Variants in GULP1 observed in about 807,000 individuals in gnomAD.
GULP1 encodes the protein PTB domain-containing engulfment adapter protein 1.
Under a neutral mutation model 40.9 loss-of-function variants are expected in GULP1, and 19 were observed. The observed-to-expected ratio is 0.46, with a 90% CI of 0.32 to 0.68. The LOEUF (loss-of-function observed/expected upper bound fraction) is 0.68. GULP1 is among the 30% of genes least tolerant of loss of function. The pLI, the probability that GULP1 is intolerant of heterozygous loss-of-function variation, is 0.03. For missense variants in GULP1, 312 were observed against 362.2 expected (o/e 0.86, Z 1.12); for synonymous variants, 119 against 117.6 (o/e 1.01, Z -0.08).
At chr2:188,357,630 A>G (rs2045521011) in intron 1 of GULP1, among the ~76,000 whole-genome samples, 1 of 152,154 alleles carries the variant, frequency 6.6e-6, no homozygotes, top group African/African-American at 2.4e-5. Flanking sequence ...ATTACAGGAA[A>G]CAGTATAGAG....
chr2:188,568,365 T>A (rs1698275544), intron 7 of GULP1, among the ~76,000 whole-genome samples: 1 of 152,196 alleles, frequency 6.6e-6, no homozygotes. Flanking sequence ...TTCTTTATAA[T>A]GTTGATTAAG....
chr2:188,523,017 T>G, intron 5 of GULP1, 190 bp downstream of exon 5: 1 of 482,248 alleles, frequency 2.1e-6, no homozygotes, highest in Non-Finnish European at 3.8e-6. Context: ...AAATTGTGTT[T>G]AAAATATGGC....
chr2:188,391,510 A>G (rs1282408737), intron 2 of GULP1, among the ~76,000 whole-genome samples: 1 of 151,930 alleles, frequency 6.6e-6, no homozygotes, highest in Non-Finnish European at 1.5e-5. Flanking sequence ...AGTCTTTTGG[A>G]GAAGTCTTCA....
At chr2:188,335,829 G>A (rs1407081023) in intron 1 of GULP1, among the ~76,000 whole-genome samples, 1 of 152,156 alleles carries the variant, frequency 6.6e-6, no homozygotes, top group Non-Finnish European at 1.5e-5. Flanking sequence ...ACTTCAACTT[G>A]TATGTAACAC....
intron 2 of GULP1, among the ~76,000 whole-genome samples, chr2:188,473,878 T>G (rs549130316): frequency 6.6e-6 from 1 of 152,264 alleles, no homozygotes; most frequent in East Asian, 1.9e-4. Flanking sequence ...GTTGGGAATG[T>G]GCTGAGTCTC....
At chr2:188,562,718 C>A (rs1187442609) in intron 7 of GULP1, among the ~76,000 whole-genome samples, 1 of 152,046 alleles carries the variant, frequency 6.6e-6, no homozygotes, top group Admixed American at 6.6e-5. Flanking sequence ...AATGCTATCC[C>A]AAGCAACAGA....
intron 2 of GULP1, among the ~76,000 whole-genome samples, chr2:188,469,225 T>C (rs566389449): frequency 6.6e-6 from 1 of 152,186 alleles, no homozygotes; most frequent in Admixed American, 6.5e-5. Context: ...AATAATGGCA[T>C]TTTGGAGGTC....
intron 2 of GULP1, among the ~76,000 whole-genome samples, chr2:188,391,934 C>T (rs998192522): frequency 6.6e-6 from 1 of 151,926 alleles, no homozygotes; most frequent in Non-Finnish European, 1.5e-5. Context: ...GTATGTTAAA[C>T]CATTCCTGCT....
intron 6 of GULP1, among the ~76,000 whole-genome samples, chr2:188,538,538 A>G (rs1488529284): frequency 6.6e-6 from 1 of 152,156 alleles, no homozygotes; most frequent in Non-Finnish European, 1.5e-5. Context: ...TATAGAGTAT[A>G]TGACTATTTA....
chr2:188,327,537 A>G (rs953186391), intron 1 of GULP1, among the ~76,000 whole-genome samples: 1 of 152,142 alleles, frequency 6.6e-6, no homozygotes, highest in Admixed American at 6.6e-5. Context: ...AATGGACCAC[A>G]GGCTTCAGGG....
chr2:188,418,282 A>G (rs1460154298), intron 2 of GULP1, among the ~76,000 whole-genome samples: 1 of 151,806 alleles, frequency 6.6e-6, no homozygotes, highest in Admixed American at 6.6e-5. Flanking sequence ...ATTTTTTTTC[A>G]TTTTCTTTTG....
At chr2:188,551,693 G>A (rs960568880) in intron 7 of GULP1, among the ~76,000 whole-genome samples, 5 of 151,774 alleles carry the variant, frequency 3.3e-5, no homozygotes, top group African/African-American at 9.7e-5. Context: ...ATACCCAGTA[G>A]TGGAGCTGCT....
At chr2:188,497,222 G>A (rs779232128) in intron 4 of GULP1, among the ~76,000 whole-genome samples, 19 of 151,948 alleles carry the variant, frequency 1.3e-4, no homozygotes, top group Non-Finnish European at 2.6e-4. Flanking sequence ...TCTTTAGCTT[G>A]AACTTTTGTA....
rs1326081912 is a variant in GULP1 at position 188,584,278 on chromosome 2, C to T, written c.623C>T (p.Thr208Ile). The part of the protein sequence containing the change: ...QVSAPPAGSM[T>I]PKSPSTDIFD... Reference sequence around the variant, plus strand: ...TTTTCATTGCAGGCAGGCAGTATGACACCTAAGTCGCCCTCCACTGACATC... The same window carrying T: ...TTTTCATTGCAGGCAGGCAGTATGATACCTAAGTCGCCCTCCACTGACATC... The change falls in exon 10 of 12, where the codon ACA becomes ATA. Residue 208 changes from threonine (T) to isoleucine (I), a missense_variant. Coordinates refer to ENST00000409830, the MANE Select transcript of GULP1 (RefSeq NM_016315.4). The T allele has an allele frequency of 6.2e-7, 1 of 1,606,748 alleles. No individual in the cohort carries two copies. The highest frequency in any genetic ancestry group is 1.7e-5 in the Admixed American group (1 of 59,954).
chr2:188,555,204 A>G (rs1054130769), intron 7 of GULP1, among the ~76,000 whole-genome samples: 1 of 152,064 alleles, frequency 6.6e-6, no homozygotes, highest in African/African-American at 2.4e-5. Context: ...TGGTTGTTTT[A>G]TATATGACTT....
chr2:188,500,496 G>C, intron 4 of GULP1, among the ~76,000 whole-genome samples: 1 of 151,870 alleles, frequency 6.6e-6, no homozygotes, highest in Non-Finnish European at 1.5e-5. Context: ...GATGATTTAG[G>C]AGAGTAAAAA....
intron 1 of GULP1, among the ~76,000 whole-genome samples, chr2:188,302,107 G>C (rs1218470495): frequency 4.6e-5 from 7 of 152,122 alleles, no homozygotes; most frequent in Non-Finnish European, 8.8e-5. Context: ...GATTATTGAA[G>C]AAACTTTACA....
intron 1 of GULP1, chr2:188,297,682 A>G (rs912282568): frequency 2.9e-5 from 9 of 313,654 alleles, no homozygotes; most frequent in South Asian, 2.3e-4. Flanking sequence ...CAATCATTTC[A>G]GAGCATACAT....
intron 2 of GULP1, among the ~76,000 whole-genome samples, chr2:188,460,840 T>C (rs2059643869): frequency 6.6e-6 from 1 of 152,190 alleles, no homozygotes; most frequent in Non-Finnish European, 1.5e-5. Flanking sequence ...ACCCAGTTTT[T>C]GAGGGTCTTT....
Sources: allele counts gnomAD v4.1 joint callset (sites outside exome capture counted in the v4.1 genomes callset), GRCh38; gene constraint gnomAD v4.1.1; transcripts MANE v1.5; gene names NCBI Gene and HGNC (gene_info 2026-07-23, HGNC 2026-07-21).